The following RYR1 variants were observed in gnomAD, a reference collection of about 807,000 sequenced individuals.
The protein encoded by RYR1 is central core disease of muscle.
In RYR1, 342 loss-of-function variants were observed where a neutral mutation model predicts 583.5. That is an observed-to-expected ratio of 0.59 (90% CI 0.54 to 0.64). The LOEUF (loss-of-function observed/expected upper bound fraction) is 0.64, where lower values mean the gene tolerates loss of function less well. Ranked by LOEUF, RYR1 falls within the 30% of genes least tolerant of loss-of-function variation. The pLI is 0.00. For synonymous variants in RYR1, 2,791 were observed against 2,822.5 expected, an observed-to-expected ratio of 0.99 and a Z score of 0.35; for missense variants, 6,032 against 6,917.2, an observed-to-expected ratio of 0.87 and a Z score of 4.54.
chr19:38,496,811 G>A lies in RYR1; in HGVS notation c.6797-49G>A, dbSNP rs577940222. On this transcript the variant is annotated intron_variant, in intron 41 of 105. Coordinates refer to ENST00000359596, the MANE Select transcript of RYR1 (RefSeq NM_000540.3). The surrounding 1 kb of genome is among the most constrained non-coding windows in gnomAD (Gnocchi z 4.8). ...TGGTCAGGGAGGGCTTCCCAGAGGA[G>A]GCGAGACAAGCAGGAGTGAGATGTT... 4 of 1,552,992 alleles carry A rather than the reference G, an allele frequency of 2.6e-6. No individual in the cohort carries two copies. In the East Asian group the frequency reaches 9.0e-5, roughly 35 times the overall value.
rs943210052 is a variant in RYR1, at chr19:38,486,024, G to T, written c.5369G>T (p.Gly1790Val). Residue 1790 changes from glycine to valine, a missense_variant, in exon 34 of 106, where the codon GGG becomes GTG. By Grantham distance (109) the Gly-to-Val change is moderately radical. This residue lies in a region of RYR1 where 2,627 missense variants were observed against 2,961.3 expected (regional missense o/e 0.89). Transcript: ENST00000359596. ...PCFVAALPAA[G>V]AAEAPARLSP... is the part of the protein sequence containing the mutation. ...TTCGTGGCCGCTCTGCCAGCTGCTG[G>T]GGCAGCAGAGGCCCCGGCCCGCCTC... The T allele has an allele frequency of 1.2e-6, 2 of 1,613,270 alleles. No individual in the cohort carries two copies. The highest frequency in any genetic ancestry group is 1.7e-6 in the Non-Finnish European group (2 of 1,179,814).
At chr19:38,465,072 A>G (rs1319859586) in intron 23 of RYR1, among the ~76,000 whole-genome samples, 1 of 152,068 alleles carries the variant, frequency 6.6e-6, no homozygotes, top group Non-Finnish European at 1.5e-5. Context: ...CGTCTAAGTA[A>G]GGGATCCTGA....
In RYR1 at chr19:38,485,649, C is replaced by A; in HGVS notation, c.4994C>A (p.Thr1665Asn). The A allele has an allele frequency of 1.2e-6, 2 of 1,610,774 alleles. No individual in the cohort carries two copies. The highest frequency in any genetic ancestry group is 1.7e-6 in the Non-Finnish European group (2 of 1,179,936). ...RLDLQRFHSH[T>N]LRLYRAVCAL... Reference sequence around the variant, plus strand: ...GACCTGCAGCGCTTCCACTCGCACACCCTGCGCCTCTACCGCGCTGTGTGC... The same window carrying A: ...GACCTGCAGCGCTTCCACTCGCACAACCTGCGCCTCTACCGCGCTGTGTGC... The change falls in exon 34 of 106, where the codon ACC becomes AAC. Residue 1665 changes from threonine to asparagine, a missense_variant. By Grantham distance (65) the Thr-to-Asn change is moderately conservative. Around this residue, in one of 11 missense-constraint regions of RYR1, gnomAD observed 2,627 missense variants for 2,961.3 expected, o/e 0.89. Transcript: ENST00000359596.
intron 97 of RYR1, among the ~76,000 whole-genome samples, chr19:38,576,670 G>C (rs1973968367): frequency 6.6e-6 from 1 of 151,706 alleles, no homozygotes; most frequent in Admixed American, 6.6e-5. Context: ...AAATTAGCTG[G>C]GCACCTGTAA....
intron 49 of RYR1, among the ~76,000 whole-genome samples, chr19:38,503,838 A>G (rs1970314657): frequency 1.3e-5 from 2 of 151,956 alleles, no homozygotes; most frequent in South Asian, 4.1e-4. Context: ...ATATATTTGC[A>G]TGGGGTGCAG....
chr19:38,489,698 G>A (rs1159216187), intron 35 of RYR1, among the ~76,000 whole-genome samples: 3 of 152,098 alleles, frequency 2.0e-5, no homozygotes, highest in Admixed American at 6.6e-5. Context: ...GTGCGATCTC[G>A]GCTCACTGTA....
intron 89 of RYR1, among the ~76,000 whole-genome samples, chr19:38,556,886 A>T (rs563937952): frequency 6.6e-6 from 1 of 152,042 alleles, no homozygotes; most frequent in Non-Finnish European, 1.5e-5. Context: ...GTTCGAGCAG[A>T]TTCAGATTTG....
intron 1 of RYR1, among the ~76,000 whole-genome samples, chr19:38,436,116 G>A (rs1972415852): frequency 1.3e-5 from 2 of 148,294 alleles, no homozygotes; most frequent in Non-Finnish European, 1.5e-5. Flanking sequence ...CACCATGTTG[G>A]CCAGGCTGGT....
chr19:38,448,352 C>T lies in RYR1; in HGVS notation c.801-3C>T, dbSNP rs777293440. On this transcript the variant is annotated splice_region_variant and splice_polypyrimidine_tract_variant and intron_variant, in intron 9 of 105. Transcript: ENST00000359596. ...GACTCCCCTTGGCTCTCACCCTCCA[C>T]AGCTGGAGTGGGAGCCACCTGCGCT... The T allele has an allele frequency of 3.7e-6, 6 of 1,607,686 alleles. No homozygotes were observed. Among genetic ancestry groups the T allele is most frequent in the South Asian group, 2.2e-5 (2 of 91,076 alleles).
intron 96 of RYR1, among the ~76,000 whole-genome samples, chr19:38,573,802 CTGTG>C (rs1388644619): frequency 2.0e-5 from 3 of 152,080 alleles, no homozygotes; most frequent in African/African-American, 7.2e-5. Context: ...ATTACAGCAT[CTGTG>C]TGGGTGAGGT....
chr19:38,525,840 T>G (rs1600923853), intron 71 of RYR1, among the ~76,000 whole-genome samples: 1 of 135,666 alleles, frequency 7.4e-6, no homozygotes. Flanking sequence ...ACCCTGAGAG[T>G]CCCCCCAACA....
At chr19:38,487,373 A>G (rs1969347561) in intron 34 of RYR1, among the ~76,000 whole-genome samples, 1 of 152,152 alleles carries the variant, frequency 6.6e-6, no homozygotes. Flanking sequence ...TTGTTTTGAG[A>G]CAAAGTCTTG....
In RYR1 at chr19:38,477,793, C is replaced by T. The variant is rs772882086; in HGVS notation, c.4377C>T (p.His1459=). The T allele has an allele frequency of 2.6e-5, 42 of 1,613,810 alleles. No homozygotes were observed. Among genetic ancestry groups the T allele is most frequent in the African/African-American group, 5.3e-5 (4 of 74,850 alleles). Residue 1459 remains histidine (H), a synonymous_variant, in exon 30 of 106, where the codon CAC becomes CAT. Transcript: ENST00000359596. ...GGGTCACCCCTGACTACCATCAGCA[C>T]GACATGAGCTTCGACCTCAGCAAGG... The part of the protein sequence containing the change: ...AGWVTPDYHQ[H]DMSFDLSKVR...
chr19:38,546,618 A>T, intron 88 of RYR1, 92 bp downstream of exon 88: 1 of 988,460 alleles, frequency 1.0e-6, no homozygotes, highest in Non-Finnish European at 1.6e-6. Flanking sequence ...CCTAATCCTC[A>T]ACCCCATCTG....
At chr19:38,443,853 G>A in intron 5 of RYR1, 57 bp downstream of exon 5, 2 of 1,523,674 alleles carry the variant, frequency 1.3e-6, no homozygotes, top group Non-Finnish European at 1.8e-6. Context: ...GGATTCAGGG[G>A]GTAGAAGGTC....
At chr19:38,465,256 A>G (rs1391394861) in intron 23 of RYR1, among the ~76,000 whole-genome samples, 1 of 152,048 alleles carries the variant, frequency 6.6e-6, no homozygotes, top group Non-Finnish European at 1.5e-5. Flanking sequence ...AGATCACTTG[A>G]GCCCAGTTCA....
rs753154402 is a variant in RYR1 at position 38,519,218 on chromosome 19, C to A, written c.10023C>A (p.Phe3341Leu). 6.2e-7 allele frequency: 1 copy of A among 1,613,972 alleles called. No individual in the cohort carries two copies. The highest frequency in any genetic ancestry group is 8.5e-7 in the Non-Finnish European group (1 of 1,180,022). Residue 3341 changes from phenylalanine (F) to leucine (L), a missense_variant, in exon 67 of 106, where the codon TTC (phenylalanine) becomes TTA (leucine). Phe to Leu is a conservative substitution (Grantham distance 22). This residue lies in a region of RYR1 where 1,493 missense variants were observed against 1,715.5 expected (regional missense o/e 0.87). Coordinates refer to ENST00000359596, the MANE Select transcript of RYR1 (RefSeq NM_000540.3). ...EASWMKRLAV[F>L]AQPIVSRARP... ...GAGCCCATCGCACCCCTGCAGTGTT[C>A]GCACAGCCCATTGTGAGCCGTGCAC... is the stretch of plus-strand genomic sequence containing the variant.
Position 38,485,777 on chromosome 19 carries a change from G to T in RYR1, c.5122G>T (p.Ala1708Ser), listed in dbSNP as rs376833141. ...CGCGCACCTGCCAGGCCCACTGCGC[G>T]CAGGCTACTATGACCTCCTCATCAG... ...EDAHLPGPLR[A>S]GYYDLLISIH... Residue 1708 changes from alanine to serine, a missense_variant, in exon 34 of 106, where the codon GCA (alanine) becomes TCA (serine). Ala to Ser is a moderately conservative substitution (Grantham distance 99). This residue lies in a region of RYR1 where 2,627 missense variants were observed against 2,961.3 expected (regional missense o/e 0.89). Coordinates refer to ENST00000359596, the MANE Select transcript of RYR1 (RefSeq NM_000540.3). 1.9e-6 allele frequency: 3 copies of T among 1,613,130 alleles called. No individual in the cohort carries two copies. Among genetic ancestry groups the T allele is most frequent in the African/African-American group, 1.3e-5 (1 of 75,050 alleles).
rs769728973 is a variant in RYR1, at chr19:38,459,171, C to A, written c.2193C>A (p.Ser731=). The A allele has an allele frequency of 1.2e-6, 2 of 1,613,816 alleles. No individual in the cohort carries two copies. Among genetic ancestry groups the A allele is most frequent in the South Asian group, 1.1e-5 (1 of 91,070 alleles). ...WTGHVARPVT[S]PGQHLLAPED... ...GACACGTGGCACGCCCAGTGACTTC[C>A]CCAGGGCAGCACCTCCTGGCCCCTG... Residue 731 remains serine, a synonymous_variant, in exon 19 of 106, where the codon TCC becomes TCA. Transcript: ENST00000359596.
Sources: gnomAD v4.1 joint callset for allele counts (sites outside exome capture counted in the v4.1 genomes callset) on GRCh38, gnomAD v4.1.1 for gene constraint, gnomAD v4.1.1 regional missense constraint, Gnocchi (gnomAD v3.1) non-coding constraint, MANE v1.5 for transcripts, NCBI Gene and HGNC (gene_info 2026-07-23, HGNC 2026-07-21) for gene names.